Variants in NEDD4 observed in about 807,000 individuals in gnomAD.
NEDD4 encodes NEDD4 E3 ubiquitin protein ligase, also known as E3 ubiquitin-protein ligase NEDD4.
In NEDD4, 99 loss-of-function variants were observed where a neutral mutation model predicts 144.9. That is an observed-to-expected ratio of 0.68 (90% CI 0.58 to 0.81). NEDD4 has a LOEUF of 0.81. NEDD4 is among the 30% of genes least tolerant of loss of function. The probability of loss-of-function intolerance (pLI) is 0.00; values close to 1 mark genes in which losing one functional copy is unlikely to be tolerated. For missense variants in NEDD4, 985 were observed against 1,065.9 expected (o/e 0.92, Z 1.06); for synonymous variants, 318 against 350.6 (o/e 0.91, Z 1.04).
chr15:55,876,747 C>T lies in NEDD4; in HGVS notation c.292-2739G>A, dbSNP rs1259892481. On this transcript the variant is annotated intron_variant, in intron 5 of 28. Coordinates refer to ENST00000435532, the MANE Select transcript of NEDD4 (RefSeq NM_006154.4). ...TATGACAAACTAGTCCAATTAAAGACAGAGATTGTCAAGCTGAATAAAAAT... is the reference window on the plus strand; with the variant it reads ...TATGACAAACTAGTCCAATTAAAGATAGAGATTGTCAAGCTGAATAAAAAT... 2.6e-5 allele frequency among the ~76,000 whole-genome samples: 4 copies of T among 152,082 alleles called. No homozygotes were observed. In the South Asian group the frequency reaches 6.2e-4, roughly 24 times the overall value.
Position 55,848,381 on chromosome 15 carries a change from T to C in NEDD4, c.1533A>G (p.Ile511Met), listed in dbSNP as rs747636872. 4.3e-6 allele frequency: 7 copies of C among 1,614,068 alleles called. No individual in the cohort carries two copies. The Admixed American group carries it at 1.2e-4, about 27-fold the overall frequency. The change falls in exon 17 of 29, where the codon ATA becomes ATG. Residue 511 changes from isoleucine to methionine, a missense_variant. Physicochemically the swap from Ile to Met is conservative, Grantham distance 10. Transcript: ENST00000435532. The stretch of plus-strand genomic sequence containing the variant: ...TGGCAGAGAGACTTACTGGTCCAGT[T>C]ATTGCTACATTCTCCAACCGAGGAT... ...WEDPRLENVAITGPAVPYSRD... is the reference protein window; with the variant it reads ...WEDPRLENVAMTGPAVPYSRD...
In NEDD4 at chr15:55,849,437, C is replaced by G. The variant is rs550843049; in HGVS notation, c.1348-551G>C. Among the ~76,000 whole-genome samples the G allele has an allele frequency of 3.3e-3, 496 of 152,138 alleles. 2 individuals carry two copies. Among genetic ancestry groups the G allele is most frequent in the African/African-American group, 0.012 (479 of 41,494 alleles). On this transcript the variant is annotated intron_variant, in intron 14 of 28. Transcript: ENST00000435532. Reference sequence around the variant, plus strand: ...ACGGGGTTTCTCCATGTTGGCCAGGCTAGTCTCGAACTCCTGACCTCAGGT... The same window carrying G: ...ACGGGGTTTCTCCATGTTGGCCAGGGTAGTCTCGAACTCCTGACCTCAGGT...
At chr15:55,844,074 C>A (rs757025432) in intron 18 of NEDD4, among the ~76,000 whole-genome samples, 2 of 152,008 alleles carry the variant, frequency 1.3e-5, no homozygotes, top group Non-Finnish European at 2.9e-5. Flanking sequence ...ATGAGGCAAT[C>A]AAGAAGGCTT....
At chr15:55,945,129 C>G (rs1315028879) in intron 4 of NEDD4, among the ~76,000 whole-genome samples, 2 of 151,974 alleles carry the variant, frequency 1.3e-5, no homozygotes, top group African/African-American at 4.8e-5. Context: ...CAGCCCCTCG[C>G]CAGCAACAGA....
At chr15:55,893,325 G>T (rs2035631113) in intron 5 of NEDD4, among the ~76,000 whole-genome samples, 1 of 151,742 alleles carries the variant, frequency 6.6e-6, no homozygotes, top group Non-Finnish European at 1.5e-5. Context: ...AAGAATTGGG[G>T]CAGGCAGTAA....
chr15:55,834,646 G>T (rs1414826196), intron 24 of NEDD4, among the ~76,000 whole-genome samples: 2 of 152,042 alleles, frequency 1.3e-5, no homozygotes, highest in Non-Finnish European at 1.5e-5. Context: ...ACAAAAATTA[G>T]CCAGGCATGG....
rs150672635 is a variant in NEDD4 at position 55,931,727 on chromosome 15, C to A, written c.238-7028G>T. Among the ~76,000 whole-genome samples, 276 of 152,210 alleles carry A rather than the reference C, an allele frequency of 1.8e-3. 5 individuals carry two copies. The highest frequency in any genetic ancestry group is 0.011 in the East Asian group (56 of 5,192). On this transcript the variant is annotated intron_variant, in intron 4 of 28. Coordinates refer to ENST00000435532, the MANE Select transcript of NEDD4 (RefSeq NM_006154.4). Reference sequence around the variant, plus strand: ...TTCTGCCAGTGGTTGTGGGAACAAACAATACAGATACATCTTTAAAATAGC... The same window carrying A: ...TTCTGCCAGTGGTTGTGGGAACAAAAAATACAGATACATCTTTAAAATAGC...
At chr15:55,830,680 A>C in intron 27 of NEDD4, 94 bp from the exon 28 acceptor site, 1 of 895,600 alleles carries the variant, frequency 1.1e-6, no homozygotes, top group Middle Eastern at 2.7e-4. Flanking sequence ...TCCTACACAC[A>C]CACAGGGAAC....
intron 15 of NEDD4, 53 bp downstream of exon 15, chr15:55,848,753 G>A: frequency 6.6e-7 from 1 of 1,516,396 alleles, no homozygotes; most frequent in Non-Finnish European, 9.1e-7. Context: ...ACCCGAAAAT[G>A]CAAAATATTT....
At position 55,983,861 on chromosome 15, in the gene NEDD4, T is replaced by G. The variant is rs563895770; in HGVS notation, c.45+9650A>C. Among the ~76,000 whole-genome samples the G allele has an allele frequency of 7.2e-5, 11 of 152,288 alleles. No homozygotes were observed. In the East Asian group the frequency reaches 2.1e-3, roughly 29 times the overall value. On this transcript the variant is annotated intron_variant, in intron 1 of 28. Coordinates refer to ENST00000435532, the MANE Select transcript of NEDD4 (RefSeq NM_006154.4). ...CCTGACCTCAAGTGATCCACCCATC[T>G]CAGCCTCCGAAAGTGCTGGGATTAC...
intron 9 of NEDD4, 128 bp from the exon 10 acceptor site, chr15:55,860,906 G>A (rs2034379447): frequency 1.3e-6 from 1 of 768,454 alleles, no homozygotes; most frequent in Non-Finnish European, 2.1e-6. Context: ...TTTGACCAAA[G>A]GCTATTTCAA....
intron 5 of NEDD4, among the ~76,000 whole-genome samples, chr15:55,921,735 A>G (rs1231786086): frequency 2.0e-5 from 3 of 152,224 alleles, no homozygotes; most frequent in African/African-American, 7.2e-5. Context: ...TGTTAATATC[A>G]AAGGCAATAC....
intron 1 of NEDD4, chr15:55,991,901 G>A (rs776946998): frequency 6.6e-6 from 1 of 152,162 alleles, no homozygotes; most frequent in Non-Finnish European, 1.5e-5. Context: ...GTACCAAGAG[G>A]GAGAAAACAG....
At chr15:55,840,323 G>T (rs2033445594) in intron 21 of NEDD4, 124 bp downstream of exon 21, 1 of 883,528 alleles carries the variant, frequency 1.1e-6, no homozygotes. Context: ...TGAGGAAAAA[G>T]TTCATTTGTA....
chr15:55,929,849 A>G (rs1201452913), intron 4 of NEDD4, among the ~76,000 whole-genome samples: 4 of 152,140 alleles, frequency 2.6e-5, no homozygotes, highest in Non-Finnish European at 5.9e-5. Context: ...CCTTAGAAAC[A>G]TTTAGGAATG....
At chr15:55,840,318 A>G (rs957133678) in intron 21 of NEDD4, 129 bp downstream of exon 21, 1 of 860,620 alleles carries the variant, frequency 1.2e-6, no homozygotes, top group Admixed American at 3.3e-5. Flanking sequence ...AATGTTGAGG[A>G]AAAAGTTCAT....
intron 27 of NEDD4, 142 bp from the exon 28 acceptor site, chr15:55,830,728 A>AT (rs2032909645): frequency 3.0e-6 from 2 of 668,160 alleles, no homozygotes; most frequent in African/African-American, 3.6e-5. Context: ...GAGATGGGGT[A>AT]TCCCTCTGTC....
chr15:55,936,345 T>C (rs2036888666), intron 4 of NEDD4, among the ~76,000 whole-genome samples: 1 of 151,860 alleles, frequency 6.6e-6, no homozygotes, highest in East Asian at 1.9e-4. Context: ...GCCTGAGAAA[T>C]AGGTATAGAA....
chr15:55,985,365 A>G (rs1321750549), intron 1 of NEDD4, among the ~76,000 whole-genome samples: 1 of 152,168 alleles, frequency 6.6e-6, no homozygotes, highest in Non-Finnish European at 1.5e-5. Context: ...GGGAGGAGGG[A>G]GATACCATAC....
Sources: allele counts gnomAD v4.1 joint callset (sites outside exome capture counted in the v4.1 genomes callset), GRCh38; gene constraint gnomAD v4.1.1; transcripts MANE v1.5; gene names NCBI Gene and HGNC (gene_info 2026-07-23, HGNC 2026-07-21).